The following PCDHGB4 variants were observed in gnomAD, a reference collection of about 807,000 sequenced individuals.
PCDHGB4 encodes the protein protocadherin gamma subfamily B, 4.
PCDHGB4 carries 38 observed loss-of-function variants against 60.5 expected under a neutral mutation model. The ratio of observed to expected loss-of-function variants is 0.63; its 90% CI spans 0.48 to 0.82. The LOEUF is 0.82. Among genes scored for constraint, PCDHGB4 ranks in the 40% least tolerant of loss-of-function variants. The pLI, the probability that PCDHGB4 is intolerant of heterozygous loss-of-function variation, is 0.00. For missense variants in PCDHGB4, 1,109 were observed against 1,209.6 expected (o/e 0.92, Z 1.23); for synonymous variants, 456 against 509.7 (o/e 0.89, Z 1.42).
intron 1 of PCDHGB4, chr5:141,427,874 G>A: frequency 1.3e-6 from 2 of 1,560,274 alleles, no homozygotes; most frequent in South Asian, 2.2e-5. Flanking sequence ...AGCTCACGAT[G>A]CAGGCCCACG....
intron 1 of PCDHGB4, chr5:141,403,960 G>T (rs775638627): frequency 1.9e-6 from 3 of 1,613,776 alleles, no homozygotes; most frequent in South Asian, 2.2e-5. Context: ...TGCTCATTTC[G>T]GTGGAAGATG....
At chr5:141,478,333 G>C in intron 1 of PCDHGB4, 5 of 1,613,928 alleles carry the variant, frequency 3.1e-6, no homozygotes, top group Non-Finnish European at 4.2e-6. Flanking sequence ...GAACACCAGG[G>C]CCCTCCTTGC....
Position 141,489,068 on chromosome 5 carries a change from G to GGCC in PCDHGB4, c.2398-5739_2398-5738insGCC. The GGCC allele has an allele frequency of 3.4e-6, 1 of 291,556 alleles. No individual in the cohort carries two copies. The allele number at this position is 291,556 out of a possible 1,614,324, so 18.1% of individuals were successfully genotyped here. A position where few individuals can be genotyped will look rare whatever the true frequency, so the allele number is the denominator to read the frequency against. ...CTCAAATTCAGCTCCCCTCCCCCCT[G>GGCC]CCCACCCCCGCCACTCGGTGACTAA... On this transcript the variant is annotated intron_variant, in intron 1 of 3. Coordinates refer to ENST00000519479, the MANE Select transcript of PCDHGB4 (RefSeq NM_003736.4). The surrounding 1 kb of genome is among the most constrained non-coding windows in gnomAD (Gnocchi z 4.5).
intron 1 of PCDHGB4, among the ~76,000 whole-genome samples, chr5:141,450,088 C>T (rs1358812478): frequency 1.3e-5 from 2 of 148,484 alleles, no homozygotes; most frequent in East Asian, 2.0e-4. Context: ...CTCACTGCAA[C>T]CTCCGCCTCC....
At chr5:141,458,870 C>G (rs540373442) in intron 1 of PCDHGB4, among the ~76,000 whole-genome samples, 1 of 152,264 alleles carries the variant, frequency 6.6e-6, no homozygotes, top group South Asian at 2.1e-4. Flanking sequence ...GTAGCTGGGA[C>G]TACAGGCATG....
chr5:141,413,390 C>G, intron 1 of PCDHGB4: 1 of 1,614,010 alleles, frequency 6.2e-7, no homozygotes, highest in Non-Finnish European at 8.5e-7. Context: ...CGCATAGTCT[C>G]CAGAGGTAGG....
At chr5:141,502,891 C>G (rs2099816930) in intron 2 of PCDHGB4, among the ~76,000 whole-genome samples, 1 of 117,990 alleles carries the variant, frequency 8.5e-6, no homozygotes, top group African/African-American at 3.4e-5. Context: ...GACAGGGAGT[C>G]TAGCTCTGTT....
chr5:141,420,795 A>G (rs1046945975), intron 1 of PCDHGB4, among the ~76,000 whole-genome samples: 1 of 152,260 alleles, frequency 6.6e-6, no homozygotes, highest in Non-Finnish European at 1.5e-5. Flanking sequence ...AAAACTTTTT[A>G]AAAATTAAGC....
At position 141,415,393 on chromosome 5, in the gene PCDHGB4, T is replaced by C. The variant is rs574028530; in HGVS notation, c.2397+25112T>C. On this transcript the variant is annotated intron_variant, in intron 1 of 3. Transcript: ENST00000519479. ...TTCAGGAGGCGGCTTGACAGGTGTG[T>C]CCGGCTCGCACTTTGTGGGCGTGGA... 1.1e-5 allele frequency: 17 copies of C among 1,614,190 alleles called. No individual in the cohort carries two copies. In the East Asian group the frequency reaches 2.5e-4, roughly 23 times the overall value.
chr5:141,392,167 C>T (rs565694057), intron 1 of PCDHGB4: 40 of 152,290 alleles, frequency 2.6e-4, no homozygotes, highest in African/African-American at 7.9e-4. Context: ...ATTTCTGAGT[C>T]AGTCATCTCC....
intron 1 of PCDHGB4, chr5:141,414,008 A>G (rs753686379): frequency 4.3e-6 from 7 of 1,613,188 alleles, no homozygotes; most frequent in Middle Eastern, 1.6e-4. Context: ...GAAGGTGCCA[A>G]TGGAGAAGTG....
At position 141,404,503 on chromosome 5, in the gene PCDHGB4, G is replaced by A. The variant is rs771196227; in HGVS notation, c.2397+14222G>A. 8 of 1,613,720 alleles carry A rather than the reference G, an allele frequency of 5.0e-6. No homozygotes were observed. In the East Asian group the frequency reaches 1.8e-4, roughly 36 times the overall value. On this transcript the variant is annotated intron_variant, in intron 1 of 3. Coordinates refer to ENST00000519479, the MANE Select transcript of PCDHGB4 (RefSeq NM_003736.4). Reference sequence around the variant, plus strand: ...CAGACACTGGTGTGCTGTATGCTCTGTGCTCCTTTGACTATGAGCAGTTTA... The same window carrying A: ...CAGACACTGGTGTGCTGTATGCTCTATGCTCCTTTGACTATGAGCAGTTTA...
chr5:141,392,614 C>T (rs1000219739), intron 1 of PCDHGB4: 3 of 532,708 alleles, frequency 5.6e-6, no homozygotes, highest in African/African-American at 1.9e-5. Flanking sequence ...ACAAATGCAA[C>T]CGAAAACACT....
At chr5:141,505,121 C>A (rs1194549194) in intron 2 of PCDHGB4, among the ~76,000 whole-genome samples, 1 of 152,168 alleles carries the variant, frequency 6.6e-6, no homozygotes, top group Non-Finnish European at 1.5e-5. Context: ...AAGATCGCGC[C>A]ACTGCACTCC....
chr5:141,423,154 C>A, intron 1 of PCDHGB4: 1 of 1,613,466 alleles, frequency 6.2e-7, no homozygotes, highest in South Asian at 1.1e-5. Flanking sequence ...CAAGCAGAGC[C>A]TCGTGGTGGC....
intron 1 of PCDHGB4, among the ~76,000 whole-genome samples, chr5:141,406,639 A>G (rs1301755864): frequency 6.6e-6 from 1 of 152,208 alleles, no homozygotes; most frequent in Non-Finnish European, 1.5e-5. Flanking sequence ...AAAGGTCTTA[A>G]TTTCCTAATG....
intron 1 of PCDHGB4, chr5:141,393,583 C>T: frequency 6.2e-7 from 1 of 1,613,930 alleles, no homozygotes. Flanking sequence ...AACATGCCCC[C>T]AGGCACGCGG....
rs1332106674 is a variant in PCDHGB4, at chr5:141,389,866, T to G, written c.1982T>G (p.Val661Gly). 1 of 1,614,082 alleles carries G rather than the reference T, an allele frequency of 6.2e-7. No homozygotes were observed. The highest frequency in any genetic ancestry group is 1.3e-5 in the African/African-American group (1 of 75,080). Residue 661 changes from valine (V) to glycine (G), a missense_variant, in exon 1 of 4, where the codon GTC becomes GGC. Val to Gly is a moderately radical substitution (Grantham distance 109, BLOSUM62 -3). Coordinates refer to ENST00000519479, the MANE Select transcript of PCDHGB4 (RefSeq NM_003736.4). ...TCGGCCACTGCCACGTTGCACCTGG[T>G]CTTCGCCGACAGCTTGCAGGAGGTG... is the stretch of plus-strand genomic sequence containing the variant. The part of the protein sequence containing the change: ...PLSATATLHL[V>G]FADSLQEVLP...
Position 141,477,575 on chromosome 5 carries a change from C to T in PCDHGB4, c.2398-17232C>T. The T allele has an allele frequency of 6.2e-7, 1 of 1,614,176 alleles. No individual in the cohort carries two copies. The highest frequency in any genetic ancestry group is 8.5e-7 in the Non-Finnish European group (1 of 1,180,030). On this transcript the variant is annotated intron_variant, in intron 1 of 3. Coordinates refer to ENST00000519479, the MANE Select transcript of PCDHGB4 (RefSeq NM_003736.4). This position sits in a 1 kb window ranked among gnomAD's most constrained non-coding sequence, Gnocchi z 4.9. ...CCTAAGTGTCTGGGACCCCGACGCC[C>T]CGCAGAATGCTCGGCTTTCTTTCTT... is the stretch of plus-strand genomic sequence containing the variant.
Sources: allele counts gnomAD v4.1 joint callset (sites outside exome capture counted in the v4.1 genomes callset), GRCh38; gene constraint gnomAD v4.1.1; non-coding constraint Gnocchi (gnomAD v3.1); transcripts MANE v1.5; gene names NCBI Gene and HGNC (gene_info 2026-07-23, HGNC 2026-07-21).